The following ZNF469 variants were observed in gnomAD, a reference collection of about 807,000 sequenced individuals.
The protein encoded by ZNF469 is zinc finger protein 469.
A neutral mutation model predicts 1.0 loss-of-function variants in ZNF469; 1 was observed. The observed-to-expected ratio is 1.00, with a 90% CI of 0.35 to 4.73. The LOEUF is 4.73. ZNF469 is among the 30% of genes most tolerant of loss of function. ZNF469 has a pLI of 0.16. For synonymous variants in ZNF469, 2,703 were observed against 2,363.4 expected, an observed-to-expected ratio of 1.14 and a Z score of -4.17; for missense variants, 6,100 against 5,356.3, an observed-to-expected ratio of 1.14 and a Z score of -4.33.
At chr16:88,205,522 AG>A in the ZNF469 span, among the ~76,000 whole-genome samples, 1 of 152,192 alleles carries the variant, frequency 6.6e-6, no homozygotes, top group Non-Finnish European at 1.5e-5. The surrounding 1 kb of genome is among the most constrained non-coding windows in gnomAD (Gnocchi z 4.2). Flanking sequence ...ATTCAGCTTA[AG>A]GGGCTGAGCT....
chr16:88,108,892 G>A, the ZNF469 span, among the ~76,000 whole-genome samples: 24 of 152,164 alleles, frequency 1.6e-4, no homozygotes, highest in African/African-American at 3.1e-4. Flanking sequence ...AGCCCCGGTC[G>A]GGACTTCAGA....
At chr16:88,349,861 A>ACTAGACACAAATATG in the ZNF469 span, among the ~76,000 whole-genome samples, 38 of 8,174 alleles carry the variant, frequency 4.6e-3, no homozygotes, top group Middle Eastern at 0.1. Flanking sequence ...AAGTGCACAC[A>ACTAGACACAAATATG]CACCATGCAC....
the ZNF469 span, among the ~76,000 whole-genome samples, chr16:88,304,729 G>A: frequency 2.0e-5 from 3 of 152,186 alleles, no homozygotes; most frequent in African/African-American, 7.2e-5. Flanking sequence ...AAGAGCATCT[G>A]CTCCTGGATG....
chr16:88,257,566 G>T, the ZNF469 span, among the ~76,000 whole-genome samples: 1 of 152,074 alleles, frequency 6.6e-6, no homozygotes. Flanking sequence ...TTTGGTGCTG[G>T]ATCTAAAAAG....
chr16:88,200,636 C>T, the ZNF469 span, among the ~76,000 whole-genome samples: 1 of 152,242 alleles, frequency 6.6e-6, no homozygotes, highest in African/African-American at 2.4e-5. Context: ...CGTCAAACCA[C>T]AGTCAGGTAG....
At chr16:88,224,342 G>A in the ZNF469 span, among the ~76,000 whole-genome samples, 4 of 152,240 alleles carry the variant, frequency 2.6e-5, no homozygotes. Context: ...AGCACCGCGG[G>A]GCCCCGCAGG....
chr16:88,429,853 A>C lies in ZNF469; in HGVS notation c.2383A>C (p.Lys795Gln). 6.5e-7 allele frequency: 1 copy of C among 1,549,666 alleles called. No individual in the cohort carries two copies. Among genetic ancestry groups the C allele is most frequent in the Non-Finnish European group, 8.7e-7 (1 of 1,146,632 alleles). ...DAHAGLLSHA[K>Q]TFLLAGDAQA... ...ACACGCGGGCTTGCTCAGCCACGCG[A>C]AGACCTTCCTGTTAGCTGGGGACGC... Residue 795 changes from lysine to glutamine, a missense_variant, in exon 3 of 3, where the codon AAG becomes CAG. Transcript: ENST00000565624.
the ZNF469 span, among the ~76,000 whole-genome samples, chr16:88,150,861 T>C: frequency 6.6e-6 from 1 of 152,082 alleles, no homozygotes; most frequent in Non-Finnish European, 1.5e-5. Flanking sequence ...GGCTGTGGAA[T>C]TCTGCGCCAC....
chr16:88,260,527 C>T, the ZNF469 span, among the ~76,000 whole-genome samples: 2 of 152,146 alleles, frequency 1.3e-5, no homozygotes, highest in South Asian at 2.1e-4. The surrounding 1 kb of genome is among the most constrained non-coding windows in gnomAD (Gnocchi z 4.1). Flanking sequence ...GGGAGGACGC[C>T]GCTCTCACAA....
the ZNF469 span, among the ~76,000 whole-genome samples, chr16:88,116,578 G>T: frequency 1.3e-5 from 2 of 152,212 alleles, no homozygotes; most frequent in Non-Finnish European, 2.9e-5. Flanking sequence ...CAGGCAGAAC[G>T]TGGAGACAAC....
At chr16:88,388,521 T>C (rs1487079169) in intron 1 of ZNF469, among the ~76,000 whole-genome samples, 2 of 152,236 alleles carry the variant, frequency 1.3e-5, no homozygotes, top group Admixed American at 6.5e-5. Context: ...AGCCTGCGTC[T>C]CCAGGCCTGG....
At chr16:88,342,966 A>T in the ZNF469 span, among the ~76,000 whole-genome samples, 1 of 152,200 alleles carries the variant, frequency 6.6e-6, no homozygotes, top group African/African-American at 2.4e-5. Context: ...CAAGTCCTTC[A>T]TGGCCACTGG....
the ZNF469 span, among the ~76,000 whole-genome samples, chr16:88,318,629 G>A: frequency 8.5e-5 from 13 of 152,372 alleles, no homozygotes; most frequent in East Asian, 7.7e-4. Context: ...AACTCCTGGC[G>A]TGTCCCACAC....
At chr16:88,310,620 T>C in the ZNF469 span, among the ~76,000 whole-genome samples, 1 of 151,928 alleles carries the variant, frequency 6.6e-6, no homozygotes, top group African/African-American at 2.4e-5. Flanking sequence ...TCTCGCTCTG[T>C]TGCCCAGGCT....
At chr16:88,330,532 C>G in the ZNF469 span, among the ~76,000 whole-genome samples, 1 of 152,358 alleles carries the variant, frequency 6.6e-6, no homozygotes, top group South Asian at 2.1e-4. Context: ...TTGTGGTTTT[C>G]CTGGCATGTC....
chr16:88,313,012 C>T, the ZNF469 span, among the ~76,000 whole-genome samples: 2 of 152,190 alleles, frequency 1.3e-5, no homozygotes, highest in Middle Eastern at 3.2e-3. Flanking sequence ...GACTCTGCAG[C>T]CTGATCTAGG....
the ZNF469 span, among the ~76,000 whole-genome samples, chr16:88,219,081 A>G: frequency 6.7e-6 from 1 of 150,190 alleles, no homozygotes; most frequent in South Asian, 2.2e-4. Flanking sequence ...GGACCTCTTC[A>G]AGGAGAACTA....
the ZNF469 span, among the ~76,000 whole-genome samples, chr16:88,323,429 C>T: frequency 1.3e-5 from 2 of 152,246 alleles, no homozygotes; most frequent in African/African-American, 4.8e-5. Flanking sequence ...TTCCTTCCCA[C>T]TTCTCTGTAG....
the ZNF469 span, among the ~76,000 whole-genome samples, chr16:88,229,554 A>ACGTGTGGATGTCACG: frequency 7.4e-6 from 1 of 135,872 alleles, no homozygotes; most frequent in African/African-American, 2.6e-5. Flanking sequence ...TGGATGTCAC[A>ACGTGTGGATGTCACG]CGTGTGGATG....
Sources: allele counts gnomAD v4.1 joint callset (sites outside exome capture counted in the v4.1 genomes callset), GRCh38; gene constraint gnomAD v4.1.1; non-coding constraint Gnocchi (gnomAD v3.1); transcripts MANE v1.5; gene names NCBI Gene and HGNC (gene_info 2026-07-23, HGNC 2026-07-21).